PCDHGA10: variants seen among roughly 807,000 people sequenced by gnomAD.
PCDHGA10 encodes the protein protocadherin gamma-A10.
In PCDHGA10, 42 loss-of-function variants were observed where a neutral mutation model predicts 59.5. That is an observed-to-expected ratio of 0.71 (90% CI 0.55 to 0.91). PCDHGA10 has a LOEUF of 0.91. Among genes scored for constraint, PCDHGA10 ranks in the 40% least tolerant of loss-of-function variants. The probability of loss-of-function intolerance (pLI) is 0.00; values close to 1 mark genes in which losing one functional copy is unlikely to be tolerated. For missense variants in PCDHGA10, 1,111 were observed against 1,198.2 expected, an observed-to-expected ratio of 0.93 and a Z score of 1.07; for synonymous variants, 511 against 517.2, an observed-to-expected ratio of 0.99 and a Z score of 0.16.
rs192747939 is a variant in PCDHGA10 at position 141,487,483 on chromosome 5, T to C, written c.2437-7324T>C. 12 of 1,614,224 alleles carry C rather than the reference T, an allele frequency of 7.4e-6. No individual in the cohort carries two copies. In the Admixed American group the frequency reaches 1.8e-4, roughly 25 times the overall value. On this transcript the variant is annotated intron_variant, in intron 1 of 3. Coordinates refer to ENST00000398610, the MANE Select transcript of PCDHGA10 (RefSeq NM_018913.3). This position sits in a 1 kb window ranked among gnomAD's most constrained non-coding sequence, Gnocchi z 5.0. ...TTGTTGATGTGGGAGGCCACTCTCA[T>C]GGCTGTACACCCTTGGCTTCTGCAC... is the stretch of plus-strand genomic sequence containing the variant.
In PCDHGA10 at chr5:141,489,198, C is replaced by G; in HGVS notation, c.2437-5609C>G. 1 of 1,392,402 alleles carries G rather than the reference C, an allele frequency of 7.2e-7. No individual in the cohort carries two copies. Among genetic ancestry groups the G allele is most frequent in the South Asian group, 1.4e-5 (1 of 71,348 alleles). The allele number at this position is 1,392,402 out of a possible 1,614,324, so 86.3% of individuals were successfully genotyped here. A position where few individuals can be genotyped will look rare whatever the true frequency, so the allele number is the denominator to read the frequency against. On this transcript the variant is annotated intron_variant, in intron 1 of 3. Coordinates refer to ENST00000398610, the MANE Select transcript of PCDHGA10 (RefSeq NM_018913.3). This position sits in a 1 kb window ranked among gnomAD's most constrained non-coding sequence, Gnocchi z 4.5. ...CCAAGCCCTGGGTCTACCTTGGAGA[C>G]AGGACAGCACAGACTTACTCTCCAC...
intron 1 of PCDHGA10, among the ~76,000 whole-genome samples, chr5:141,464,715 T>C (rs1013508667): frequency 2.0e-5 from 3 of 152,090 alleles, no homozygotes; most frequent in Admixed American, 2.0e-4. Flanking sequence ...AAATAGTTTT[T>C]CATATGTTTA....
Position 141,417,943 on chromosome 5 carries a change from G to C in PCDHGA10, c.2436+2332G>C, listed in dbSNP as rs772925118. ...TGCTGCTGCCTTTGTTCTACCCCAC[G>C]CTGTGTGAGCCGATCCGCTACTCGA... is the stretch of plus-strand genomic sequence containing the variant. On this transcript the variant is annotated intron_variant, in intron 1 of 3. Coordinates refer to ENST00000398610, the MANE Select transcript of PCDHGA10 (RefSeq NM_018913.3). The C allele has an allele frequency of 4.1e-5, 66 of 1,613,160 alleles. 1 individual carries two copies. The highest frequency in any genetic ancestry group is 1.8e-4 in the East Asian group (8 of 44,850).
intron 1 of PCDHGA10, among the ~76,000 whole-genome samples, chr5:141,471,118 A>G (rs58897068): frequency 0.11 from 15,938 of 141,604 alleles, 871 homozygotes; most frequent in South Asian, 0.16. Flanking sequence ...GTGCGATCTT[A>G]CCTTCACTGC....
At chr5:141,500,877 A>ATT (rs369345007) in intron 2 of PCDHGA10, among the ~76,000 whole-genome samples, 3 of 122,284 alleles carry the variant, frequency 2.5e-5, no homozygotes, top group Admixed American at 2.4e-4. Flanking sequence ...TTCATTTACA[A>ATT]TTTTTTTTTT....
At position 141,486,004 on chromosome 5, in the gene PCDHGA10, C is replaced by T; in HGVS notation, c.2437-8803C>T. The T allele has an allele frequency of 6.2e-7, 1 of 1,614,184 alleles. No homozygotes were observed. The highest frequency in any genetic ancestry group is 8.5e-7 in the Non-Finnish European group (1 of 1,180,008). The stretch of plus-strand genomic sequence containing the variant: ...CGGACCTGGGTCCCAGTGGTAACGT[C>T]ACCTTTTATTTCAGTGGTCATACCC... On this transcript the variant is annotated intron_variant, in intron 1 of 3. Coordinates refer to ENST00000398610, the MANE Select transcript of PCDHGA10 (RefSeq NM_018913.3). This position sits in a 1 kb window ranked among gnomAD's most constrained non-coding sequence, Gnocchi z 5.0.
At chr5:141,461,242 T>G (rs1246270739) in intron 1 of PCDHGA10, among the ~76,000 whole-genome samples, 1 of 152,170 alleles carries the variant, frequency 6.6e-6, no homozygotes, top group Non-Finnish European at 1.5e-5. Context: ...TGTACTAATT[T>G]ATATTCCCAG....
intron 1 of PCDHGA10, chr5:141,422,315 C>T: frequency 6.5e-7 from 1 of 1,547,896 alleles, no homozygotes; most frequent in Non-Finnish European, 8.7e-7. Flanking sequence ...AACTCTCCTC[C>T]AGGTACAGTG....
intron 1 of PCDHGA10, chr5:141,423,674 C>A (rs57195665): frequency 0.087 from 131,432 of 1,514,090 alleles, 6,254 homozygotes; most frequent in East Asian, 0.14. Flanking sequence ...AGATTTATTT[C>A]TCTGCCTCCT....
At position 141,476,033 on chromosome 5, in the gene PCDHGA10, C is replaced by T; in HGVS notation, c.2437-18774C>T. On this transcript the variant is annotated intron_variant, in intron 1 of 3. Transcript: ENST00000398610. The surrounding 1 kb of genome is among the most constrained non-coding windows in gnomAD (Gnocchi z 7.6). The stretch of plus-strand genomic sequence containing the variant: ...GCCATGTCGGACTCGGCGCCCAGCG[C>T]CCAAGCGCTAACCCGCTGAAAGTTT... 6.8e-7 allele frequency: 1 copy of T among 1,469,590 alleles called. No individual in the cohort carries two copies. Among genetic ancestry groups the T allele is most frequent in the Non-Finnish European group, 9.0e-7 (1 of 1,105,326 alleles). 91.0% of individuals were successfully genotyped at this position (1,469,590 alleles called of 1,614,324 possible). A position where few individuals can be genotyped will look rare whatever the true frequency, so the allele number is the denominator to read the frequency against.
chr5:141,510,633 TACCA>T (rs2099882032), intron 3 of PCDHGA10, among the ~76,000 whole-genome samples: 1 of 152,110 alleles, frequency 6.6e-6, no homozygotes, highest in Admixed American at 6.6e-5. Flanking sequence ...AAGAGGTGGT[TACCA>T]TTATCATCCC....
At chr5:141,448,021 G>A (rs1376525971) in intron 1 of PCDHGA10, among the ~76,000 whole-genome samples, 2 of 152,050 alleles carry the variant, frequency 1.3e-5, no homozygotes, top group African/African-American at 4.8e-5. Context: ...AGGAGGTGGA[G>A]GTTGCAGTGA....
At chr5:141,475,871 A>G (rs568810142) in intron 1 of PCDHGA10, 17 of 513,152 alleles carry the variant, frequency 3.3e-5, no homozygotes, top group Middle Eastern at 5.1e-4. Context: ...TTCTTCGTGC[A>G]GTTATTGGCT....
chr5:141,507,781 C>A (rs2099863256), intron 3 of PCDHGA10, among the ~76,000 whole-genome samples: 1 of 152,214 alleles, frequency 6.6e-6, no homozygotes, highest in South Asian at 2.1e-4. Flanking sequence ...CAGGGCCTGA[C>A]CCTCGTCTAA....
At chr5:141,502,024 C>G (rs2099812413) in intron 2 of PCDHGA10, among the ~76,000 whole-genome samples, 1 of 152,152 alleles carries the variant, frequency 6.6e-6, no homozygotes, top group African/African-American at 2.4e-5. Context: ...TCCCTGCAAC[C>G]CCCGCCGCTT....
chr5:141,464,271 A>AT (rs1336006891), intron 1 of PCDHGA10, among the ~76,000 whole-genome samples: 1 of 136,538 alleles, frequency 7.3e-6, no homozygotes, highest in Non-Finnish European at 1.5e-5. Flanking sequence ...TCTAAAAAAA[A>AT]AAAAAAGCAA....
In PCDHGA10 at chr5:141,489,801, T is replaced by C. The variant is rs201458939; in HGVS notation, c.2437-5006T>C. 6.2e-7 allele frequency: 1 copy of C among 1,614,148 alleles called. No homozygotes were observed. On this transcript the variant is annotated intron_variant, in intron 1 of 3. Coordinates refer to ENST00000398610, the MANE Select transcript of PCDHGA10 (RefSeq NM_018913.3). The surrounding 1 kb of genome is among the most constrained non-coding windows in gnomAD (Gnocchi z 4.5). The stretch of plus-strand genomic sequence containing the variant: ...CTCTGAATGTGAAGACCCTAAAAGA[T>C]GGGAAGCCATTCCCAGAGCTGGTGC...
chr5:141,456,748 A>C (rs1448893002), intron 1 of PCDHGA10, among the ~76,000 whole-genome samples: 1 of 151,852 alleles, frequency 6.6e-6, no homozygotes, highest in Non-Finnish European at 1.5e-5. Context: ...GAGCATCATG[A>C]GGTCAGGAGT....
At chr5:141,481,649 C>G (rs1199734660) in intron 1 of PCDHGA10, among the ~76,000 whole-genome samples, 1 of 152,012 alleles carries the variant, frequency 6.6e-6, no homozygotes, top group African/African-American at 2.4e-5. Flanking sequence ...GAAACTTCAT[C>G]TCTACTAATA....
Sources: allele counts gnomAD v4.1 joint callset (sites outside exome capture counted in the v4.1 genomes callset), GRCh38; gene constraint gnomAD v4.1.1; non-coding constraint Gnocchi (gnomAD v3.1); transcripts MANE v1.5; gene names NCBI Gene and HGNC (gene_info 2026-07-23, HGNC 2026-07-21).